The following MACROD1 variants were observed in gnomAD, a reference collection of about 807,000 sequenced individuals.
The protein encoded by MACROD1 is ADP-ribose glycohydrolase MACROD1.
A neutral mutation model predicts 41.4 loss-of-function variants in MACROD1; 31 were observed. The observed-to-expected ratio is 0.75, with a 90% CI of 0.56 to 1.01. MACROD1 has a LOEUF of 1.01. Ranked by LOEUF, MACROD1 falls within the 50% of genes least tolerant of loss-of-function variation. MACROD1 has a pLI of 0.00. For missense variants in MACROD1, 473 were observed against 460.0 expected (o/e 1.03, Z -0.26); for synonymous variants, 252 against 203.4 (o/e 1.24, Z -2.03).
intron 4 of MACROD1, among the ~76,000 whole-genome samples, chr11:64,007,733 C>T (rs1942936936): frequency 6.6e-6 from 1 of 152,220 alleles, no homozygotes; most frequent in Non-Finnish European, 1.5e-5. Context: ...CTTTGCCAGA[C>T]AGCCCCACGC....
chr11:64,063,879 G>A (rs1269720297), intron 3 of MACROD1, among the ~76,000 whole-genome samples: 1 of 152,240 alleles, frequency 6.6e-6, no homozygotes, highest in Non-Finnish European at 1.5e-5. Flanking sequence ...CAGCCCCAGA[G>A]AGGGTGGTGG....
At chr11:64,068,459 C>T (rs753384275) in intron 3 of MACROD1, among the ~76,000 whole-genome samples, 4 of 152,194 alleles carry the variant, frequency 2.6e-5, no homozygotes, top group South Asian at 2.1e-4. Context: ...AGTCTGGGCA[C>T]GGTAAGGGCT....
In MACROD1 at chr11:64,146,131, G is replaced by C. The variant is rs1257506533; in HGVS notation, c.517+5108C>G. 3.3e-5 allele frequency among the ~76,000 whole-genome samples: 5 copies of C among 152,176 alleles called. No homozygotes were observed. The highest frequency in any genetic ancestry group is 2.1e-4 in the South Asian group (1 of 4,828). ...TGCCCAGGACTCTGCTATCTGTCAG[G>C]AACAAGAAGTCCACACACACAGGTC... On this transcript the variant is annotated intron_variant, in intron 3 of 10. Transcript: ENST00000255681. This position sits in a 1 kb window ranked among gnomAD's most constrained non-coding sequence, Gnocchi z 4.7.
intron 3 of MACROD1, among the ~76,000 whole-genome samples, chr11:64,030,312 C>T (rs1943277764): frequency 6.6e-6 from 1 of 152,202 alleles, no homozygotes; most frequent in Non-Finnish European, 1.5e-5. Flanking sequence ...ACAGCTCCGT[C>T]ATTGTTGCCT....
intron 1 of MACROD1, among the ~76,000 whole-genome samples, chr11:64,156,768 C>G (rs1051096419): frequency 6.6e-6 from 1 of 152,134 alleles, no homozygotes; most frequent in Non-Finnish European, 1.5e-5. Context: ...GCTCTGCCAC[C>G]AGCTGGCTGG....
intron 4 of MACROD1, among the ~76,000 whole-genome samples, chr11:64,008,285 G>C (rs1266145671): frequency 6.6e-6 from 1 of 152,138 alleles, no homozygotes; most frequent in Non-Finnish European, 1.5e-5. Context: ...AGAGAGGCAG[G>C]GTTGTGGGGG....
At chr11:64,066,777 A>C (rs933983956) in intron 3 of MACROD1, among the ~76,000 whole-genome samples, 2 of 152,178 alleles carry the variant, frequency 1.3e-5, no homozygotes, top group African/African-American at 2.4e-5. Flanking sequence ...ACTTAGATCA[A>C]CTTAATCCTA....
chr11:64,112,419 C>T (rs1319097731), intron 3 of MACROD1, among the ~76,000 whole-genome samples: 1 of 152,172 alleles, frequency 6.6e-6, no homozygotes, highest in Non-Finnish European at 1.5e-5. Flanking sequence ...GAGGCTGAAG[C>T]AGGAGGATCT....
chr11:64,114,818 G>A (rs1405055503), intron 3 of MACROD1, among the ~76,000 whole-genome samples: 1 of 152,198 alleles, frequency 6.6e-6, no homozygotes, highest in African/African-American at 2.4e-5. Flanking sequence ...AGATGGATGG[G>A]CAGAGCAGAG....
Position 64,146,530 on chromosome 11 carries a change from C to T in MACROD1, c.517+4709G>A, listed in dbSNP as rs778244365. Among the ~76,000 whole-genome samples, 21 of 152,172 alleles carry T rather than the reference C, an allele frequency of 1.4e-4. No individual in the cohort carries two copies. The highest frequency in any genetic ancestry group is 1.4e-4 in the African/African-American group (6 of 41,424). On this transcript the variant is annotated intron_variant, in intron 3 of 10. Transcript: ENST00000255681. The surrounding 1 kb of genome is among the most constrained non-coding windows in gnomAD (Gnocchi z 4.7). ...GCAAGTGGCCTCAGCTGGCAGCCCA[C>T]GGGGACAGGGCCCAGGGAGGCCTGC...
rs533753019 is a variant in MACROD1 at position 64,004,449 on chromosome 11, A to T, written c.548-4106T>A. ...AGCAATAAATGCATCTCAGTGGGGG[A>T]GCATTCCTCATGCTAAACAAACAAG... On this transcript the variant is annotated intron_variant, in intron 4 of 10. Transcript: ENST00000255681. Among the ~76,000 whole-genome samples the T allele has an allele frequency of 7.2e-5, 11 of 152,210 alleles. No individual in the cohort carries two copies. In the South Asian group the frequency reaches 2.3e-3, roughly 32 times the overall value.
intron 3 of MACROD1, among the ~76,000 whole-genome samples, chr11:64,113,583 ATGGATGGATGGATGGTTAGG>A (rs1326500118): frequency 7.1e-5 from 9 of 126,678 alleles, no homozygotes; most frequent in African/African-American, 1.9e-4. Context: ...CATGGATAGC[ATGGATGGATGGATGGTTAGG>A]TGGATGGATG....
At chr11:64,015,123 C>T (rs780459480) in intron 4 of MACROD1, 129 bp downstream of exon 4, 2 of 1,009,386 alleles carry the variant, frequency 2.0e-6, no homozygotes, top group Non-Finnish European at 1.4e-6. Context: ...GGAAGGGAGG[C>T]ACCCTGTGAG....
At chr11:64,031,868 G>A (rs1160742031) in intron 3 of MACROD1, among the ~76,000 whole-genome samples, 6 of 152,302 alleles carry the variant, frequency 3.9e-5, no homozygotes, top group Admixed American at 2.6e-4. Flanking sequence ...CCATGCATTC[G>A]CGTGAACATC....
At chr11:64,109,526 C>T (rs535934280) in intron 3 of MACROD1, among the ~76,000 whole-genome samples, 14 of 152,154 alleles carry the variant, frequency 9.2e-5, no homozygotes, top group African/African-American at 3.4e-4. Flanking sequence ...GGGACAGAAG[C>T]CTCAGGACTT....
rs1277147070 is a variant in MACROD1 at position 64,085,262 on chromosome 11, C to CG, written c.517+65976dup. Among the ~76,000 whole-genome samples, 2 of 152,172 alleles carry CG rather than the reference C, an allele frequency of 1.3e-5. 1 individual carries two copies. The highest frequency in any genetic ancestry group is 2.9e-5 in the Non-Finnish European group (2 of 68,028). ...AGAGCAGCGCTGTCCCTGGGCACCA[C>CG]GGAGGTGGTTCCTGGCCAGAGCTGA... On this transcript the variant is annotated intron_variant, in intron 3 of 10. Coordinates refer to ENST00000255681, the MANE Select transcript of MACROD1 (RefSeq NM_014067.4).
At chr11:64,156,000 C>T (rs1485108506) in intron 1 of MACROD1, among the ~76,000 whole-genome samples, 3 of 150,394 alleles carry the variant, frequency 2.0e-5, no homozygotes, top group Admixed American at 6.7e-5. Context: ...CCCAGCTACT[C>T]GGGAGGCTGA....
chr11:64,117,900 G>C, intron 3 of MACROD1: 1 of 1,613,914 alleles, frequency 6.2e-7, no homozygotes, highest in Non-Finnish European at 8.5e-7. Context: ...GGAGCAGAAC[G>C]CTGGCCCCAT....
chr11:64,122,648 C>T lies in MACROD1; in HGVS notation c.517+28591G>A, dbSNP rs1945117133. On this transcript the variant is annotated intron_variant, in intron 3 of 10. Transcript: ENST00000255681. The surrounding 1 kb of genome is among the most constrained non-coding windows in gnomAD (Gnocchi z 4.0). ...AGAGGGTTTGGTGAGAATACAGCCT[C>T]TGTTTCCCCTTCTGTAAAGTGGGGG... is the stretch of plus-strand genomic sequence containing the variant. Among the ~76,000 whole-genome samples, 1 of 152,202 alleles carries T rather than the reference C, an allele frequency of 6.6e-6. No individual in the cohort carries two copies. Among genetic ancestry groups the T allele is most frequent in the South Asian group, 2.1e-4 (1 of 4,818 alleles).
Sources: gnomAD v4.1 joint callset for allele counts (sites outside exome capture counted in the v4.1 genomes callset) on GRCh38, gnomAD v4.1.1 for gene constraint, Gnocchi (gnomAD v3.1) non-coding constraint, MANE v1.5 for transcripts, NCBI Gene and HGNC (gene_info 2026-07-23, HGNC 2026-07-21) for gene names.